The following ROBO1 variants were observed in gnomAD, a reference collection of about 807,000 sequenced individuals.
The protein encoded by ROBO1 is roundabout guidance receptor 1.
A neutral mutation model predicts 195.9 loss-of-function variants in ROBO1; 149 were observed. The ratio of observed to expected loss-of-function variants is 0.76; its 90% confidence interval spans 0.67 to 0.87. ROBO1 has a LOEUF of 0.87. ROBO1 is among the 40% of genes least tolerant of loss of function. ROBO1 has a pLI of 0.00. For missense variants in ROBO1, 1,933 were observed against 2,068.3 expected (o/e 0.93, Z 1.27); for synonymous variants, 816 against 733.2 (o/e 1.11, Z -1.82).
chr3:79,386,010 A>ACC (rs2036729194), intron 2 of ROBO1, among the ~76,000 whole-genome samples: 1 of 152,148 alleles, frequency 6.6e-6, no homozygotes, highest in South Asian at 2.1e-4. Flanking sequence ...TTTTGGGAAA[A>ACC]TAACGTAAAA....
At chr3:79,379,020 A>G (rs1282404216) in intron 2 of ROBO1, among the ~76,000 whole-genome samples, 1 of 152,234 alleles carries the variant, frequency 6.6e-6, no homozygotes, top group Non-Finnish European at 1.5e-5. Flanking sequence ...TGAAGACACT[A>G]TGTCAACATA....
intron 2 of ROBO1, among the ~76,000 whole-genome samples, chr3:79,320,301 G>A (rs753543668): frequency 1.3e-4 from 20 of 152,198 alleles, no homozygotes; most frequent in African/African-American, 4.3e-4. Context: ...CTCCACCTTC[G>A]TGAACTCATC....
chr3:79,032,760 GCACATA>G (rs2078318836), intron 3 of ROBO1, among the ~76,000 whole-genome samples: 1 of 152,004 alleles, frequency 6.6e-6, no homozygotes, highest in Non-Finnish European at 1.5e-5. Flanking sequence ...CTCAAGGGGT[GCACATA>G]CACATACACA....
At chr3:79,250,671 A>G (rs943469902) in intron 2 of ROBO1, among the ~76,000 whole-genome samples, 7 of 152,198 alleles carry the variant, frequency 4.6e-5, no homozygotes, top group African/African-American at 1.7e-4. Context: ...AAAATGATAA[A>G]ATAACCAGAA....
intron 4 of ROBO1, among the ~76,000 whole-genome samples, chr3:78,885,929 A>T (rs2036538157): frequency 6.9e-6 from 1 of 145,594 alleles, no homozygotes; most frequent in African/African-American, 2.5e-5. Flanking sequence ...ATATATATAT[A>T]TATATATATA....
chr3:78,662,095 CT>C lies in ROBO1; in HGVS notation c.1985del (p.Gln662ArgfsTer36), dbSNP rs1707450601. On this transcript the variant is annotated frameshift_variant, in exon 15 of 31. Coordinates refer to ENST00000464233, the MANE Select transcript of ROBO1 (RefSeq NM_002941.4). LOFTEE classifies it high-confidence loss of function. ...TCTGGACCTGCTTGTGGTCCACCCC[CT>C]GACTTGTTGGTAGGACATCTACAAC... The part of the protein sequence containing the change: ...VKTQDVLPTS[Q>X]GVDHKQVQRE... 1.3e-6 allele frequency: 2 copies of C among 1,565,722 alleles called. No individual in the cohort carries two copies. Among genetic ancestry groups the C allele is most frequent in the Non-Finnish European group, 8.7e-7 (1 of 1,154,414 alleles).
rs73120643 is a variant in ROBO1, at chr3:78,932,977, C to T, written c.499+5624G>A. 2.9e-3 allele frequency among the ~76,000 whole-genome samples: 448 copies of T among 152,156 alleles called. 2 individuals are homozygous for T. Among genetic ancestry groups the T allele is most frequent in the Non-Finnish European group, 4.5e-3 (308 of 67,944 alleles). ...AAAAAAGGAAATTGTGTAAAGTACTCCCACTCTAAGATCTTTCTAGAAAGT... is the reference window on the plus strand; with the variant it reads ...AAAAAAGGAAATTGTGTAAAGTACTTCCACTCTAAGATCTTTCTAGAAAGT... On this transcript the variant is annotated intron_variant, in intron 4 of 30. Coordinates refer to ENST00000464233, the MANE Select transcript of ROBO1 (RefSeq NM_002941.4).
intron 4 of ROBO1, among the ~76,000 whole-genome samples, chr3:78,861,947 T>C (rs331164): frequency 0.26 from 38,892 of 152,062 alleles, 5,717 homozygotes; most frequent in Non-Finnish European, 0.34. Context: ...TACAACAACC[T>C]AAGGGTAATG....
intron 1 of ROBO1, among the ~76,000 whole-genome samples, chr3:79,691,652 G>T (rs1947300911): frequency 6.6e-6 from 1 of 151,604 alleles, no homozygotes; most frequent in Non-Finnish European, 1.5e-5. Flanking sequence ...TAAGTATTTG[G>T]GAATTTTTTT....
chr3:79,622,775 G>A (rs1287997537), intron 1 of ROBO1, among the ~76,000 whole-genome samples: 1 of 152,152 alleles, frequency 6.6e-6, no homozygotes, highest in Non-Finnish European at 1.5e-5. Flanking sequence ...TAGATGAGTG[G>A]GTTTCCTCCT....
At position 79,641,657 on chromosome 3, in the gene ROBO1, A is replaced by C. The variant is rs116511860; in HGVS notation, c.-50-51696T>G. Among the ~76,000 whole-genome samples the C allele has an allele frequency of 4.2e-3, 633 of 149,594 alleles. 6 individuals are homozygous for C. The highest frequency in any genetic ancestry group is 0.015 in the African/African-American group (607 of 40,546). On this transcript the variant is annotated intron_variant, in intron 1 of 30. Transcript: ENST00000464233. ...ACCAAGAATTCAAAATAGAAGTTTA[A>C]GGGAAACCCAGTGATCCAATATAAC...
intron 2 of ROBO1, among the ~76,000 whole-genome samples, chr3:79,292,523 T>C (rs924990225): frequency 1.3e-5 from 2 of 152,218 alleles, no homozygotes; most frequent in African/African-American, 4.8e-5. Context: ...TTGTTATAAA[T>C]AGCTCTTATT....
chr3:79,626,163 T>G (rs1421941817), intron 1 of ROBO1, among the ~76,000 whole-genome samples: 3 of 152,242 alleles, frequency 2.0e-5, no homozygotes, highest in East Asian at 1.9e-4. Context: ...TTAAAAACTC[T>G]CAGCTGGGCA....
chr3:79,085,381 C>T (rs1301812650), intron 3 of ROBO1, among the ~76,000 whole-genome samples: 5 of 152,140 alleles, frequency 3.3e-5, no homozygotes, highest in Admixed American at 1.3e-4. Flanking sequence ...GTGATTGGAA[C>T]ATGTTGAGTC....
chr3:78,823,195 T>A (rs1235749934), intron 4 of ROBO1, among the ~76,000 whole-genome samples: 6 of 151,620 alleles, frequency 4.0e-5, no homozygotes, highest in Admixed American at 3.9e-4. Context: ...AATGATTTTT[T>A]TTTTTTTTTT....
chr3:79,340,972 T>C (rs984838769), intron 2 of ROBO1, among the ~76,000 whole-genome samples: 5 of 152,180 alleles, frequency 3.3e-5, no homozygotes, highest in African/African-American at 1.2e-4. Flanking sequence ...CCAAAATGGC[T>C]CCTAAGTATA....
At chr3:78,750,548 T>C (rs757402629) in intron 4 of ROBO1, among the ~76,000 whole-genome samples, 16 of 151,212 alleles carry the variant, frequency 1.1e-4, no homozygotes, top group Admixed American at 5.9e-4. Flanking sequence ...ACAAAGCATA[T>C]AATCACTACT....
At chr3:79,656,723 C>A (rs1282596981) in intron 1 of ROBO1, among the ~76,000 whole-genome samples, 1 of 151,702 alleles carries the variant, frequency 6.6e-6, no homozygotes, top group African/African-American at 2.4e-5. Context: ...AGTGAGACCC[C>A]ATCTATACTA....
intron 2 of ROBO1, among the ~76,000 whole-genome samples, chr3:79,584,710 G>A (rs1387030703): frequency 6.7e-6 from 1 of 149,914 alleles, no homozygotes; most frequent in Non-Finnish European, 1.5e-5. Flanking sequence ...ATGTGATTAG[G>A]GATGTGGGGA....
Sources: gnomAD v4.1 joint callset for allele counts (sites outside exome capture counted in the v4.1 genomes callset) on GRCh38, gnomAD v4.1.1 for gene constraint, MANE v1.5 for transcripts, NCBI Gene and HGNC (gene_info 2026-07-23, HGNC 2026-07-21) for gene names.